Variants in AFF3 observed in about 807,000 individuals in gnomAD.
AFF3 encodes the protein AF4/FMR2 family member 3.
Under a neutral mutation model 129.7 loss-of-function variants are expected in AFF3, and 32 were observed. The observed-to-expected ratio is 0.25, with a 90% CI of 0.19 to 0.33. The LOEUF (loss-of-function observed/expected upper bound fraction) is 0.33, where lower values mean the gene tolerates loss of function less well. AFF3 is among the 10% of genes least tolerant of loss of function. AFF3 has a pLI of 1.00. For synonymous variants in AFF3, 644 were observed against 635.4 expected (o/e 1.01, Z -0.20); for missense variants, 1,373 against 1,592.0 (o/e 0.86, Z 2.34).
At chr2:99,778,807 C>T (rs1027803294) in intron 8 of AFF3, among the ~76,000 whole-genome samples, 3 of 151,296 alleles carry the variant, frequency 2.0e-5, no homozygotes, top group Non-Finnish European at 4.4e-5. Context: ...AGACACAAAA[C>T]TGATTTTTGT....
intron 4 of AFF3, among the ~76,000 whole-genome samples, chr2:100,064,745 A>G (rs1687583368): frequency 6.6e-6 from 1 of 152,258 alleles, no homozygotes; most frequent in Admixed American, 6.5e-5. Flanking sequence ...TGCAGCGATA[A>G]TTTCAATGCC....
chr2:99,880,457 A>G (rs1333263260), intron 7 of AFF3, among the ~76,000 whole-genome samples: 1 of 152,154 alleles, frequency 6.6e-6, no homozygotes, highest in African/African-American at 2.4e-5. Context: ...ATGAATCACA[A>G]GTAAAGTTCT....
intron 4 of AFF3, among the ~76,000 whole-genome samples, chr2:100,014,054 G>C (rs1051828302): frequency 1.3e-5 from 2 of 151,848 alleles, no homozygotes; most frequent in Non-Finnish European, 2.9e-5. Flanking sequence ...GCCAGCCAGG[G>C]GGGGATGACC....
chr2:99,572,066 G>T (rs1676519833), intron 18 of AFF3, among the ~76,000 whole-genome samples: 1 of 151,890 alleles, frequency 6.6e-6, no homozygotes, highest in Non-Finnish European at 1.5e-5. Flanking sequence ...GTTTCCCACA[G>T]TGATGGTATT....
intron 11 of AFF3, among the ~76,000 whole-genome samples, chr2:99,695,938 G>GAAAAACAAAAAAA (rs1676181915): frequency 1.7e-5 from 1 of 57,648 alleles, no homozygotes; most frequent in Non-Finnish European, 2.9e-5. Flanking sequence ...CTGGAAAAAT[G>GAAAAACAAAAAAA]AAAAAAAAAA....
chr2:99,882,999 T>C (rs989721103), intron 7 of AFF3, among the ~76,000 whole-genome samples: 6 of 152,206 alleles, frequency 3.9e-5, no homozygotes, highest in African/African-American at 1.2e-4. Context: ...TGCACAGATA[T>C]TTAACTCTGA....
chr2:100,028,105 T>C (rs1386106789), intron 4 of AFF3, among the ~76,000 whole-genome samples: 2 of 152,126 alleles, frequency 1.3e-5, no homozygotes, highest in East Asian at 1.9e-4. Flanking sequence ...ACCTGCAAAG[T>C]TGAAACAGTT....
chr2:100,023,131 G>A (rs905311840), intron 4 of AFF3, among the ~76,000 whole-genome samples: 1 of 152,180 alleles, frequency 6.6e-6, no homozygotes, highest in Non-Finnish European at 1.5e-5. Context: ...CTCCCCGTAA[G>A]CACTCAATTA....
At chr2:99,942,546 G>GT (rs1675151739) in intron 7 of AFF3, among the ~76,000 whole-genome samples, 1 of 130,048 alleles carries the variant, frequency 7.7e-6, no homozygotes, top group African/African-American at 2.8e-5. Context: ...GGGGGGAGGG[G>GT]CGGGGGGGGG....
intron 8 of AFF3, among the ~76,000 whole-genome samples, chr2:99,752,737 T>C (rs1049383705): frequency 1.3e-5 from 2 of 152,182 alleles, no homozygotes; most frequent in Non-Finnish European, 2.9e-5. Flanking sequence ...CAATTAGAAA[T>C]AAAGTATCAG....
intron 8 of AFF3, among the ~76,000 whole-genome samples, chr2:99,834,097 G>A (rs1397784877): frequency 6.6e-6 from 1 of 152,118 alleles, no homozygotes; most frequent in African/African-American, 2.4e-5. Flanking sequence ...GCATGATCTG[G>A]CACTTCCGAA....
intron 12 of AFF3, among the ~76,000 whole-genome samples, chr2:99,669,632 T>C (rs1382496544): frequency 1.3e-5 from 2 of 152,168 alleles, no homozygotes; most frequent in South Asian, 2.1e-4. Flanking sequence ...GGTTATGTCA[T>C]ACACATATAA....
chr2:100,079,089 G>A (rs1688833470), intron 4 of AFF3, among the ~76,000 whole-genome samples: 1 of 151,814 alleles, frequency 6.6e-6, no homozygotes, highest in African/African-American at 2.4e-5. Flanking sequence ...TGAGACTATA[G>A]GTGCTCACCA....
In AFF3 at chr2:100,033,682, G is replaced by C. The variant is rs181521049; in HGVS notation, c.54-24750C>G. The stretch of plus-strand genomic sequence containing the variant: ...TGATTTGCAAAACGGTCTATGTTTT[G>C]TTAACAAATCAGCATTTCCCACTTG... On this transcript the variant is annotated intron_variant, in intron 4 of 24. Coordinates refer to ENST00000672756, the MANE Select transcript of AFF3 (RefSeq NM_001386135.1). 1.2e-3 allele frequency among the ~76,000 whole-genome samples: 188 copies of C among 152,130 alleles called. 1 individual carries two copies. Among genetic ancestry groups the C allele is most frequent in the African/African-American group, 4.4e-3 (183 of 41,532 alleles).
At chr2:100,087,283 TATAA>T (rs963280706) in intron 4 of AFF3, among the ~76,000 whole-genome samples, 3 of 152,188 alleles carry the variant, frequency 2.0e-5, no homozygotes, top group South Asian at 2.1e-4. Flanking sequence ...TACATACTTA[TATAA>T]ATAATTATAT....
intron 4 of AFF3, among the ~76,000 whole-genome samples, chr2:100,093,474 T>C (rs1690035534): frequency 6.6e-6 from 1 of 152,028 alleles, no homozygotes; most frequent in Non-Finnish European, 1.5e-5. Flanking sequence ...ATGTAACTAA[T>C]TATTTACCTA....
chr2:100,068,074 G>A (rs1372953308), intron 4 of AFF3, among the ~76,000 whole-genome samples: 1 of 152,220 alleles, frequency 6.6e-6, no homozygotes, highest in Non-Finnish European at 1.5e-5. Flanking sequence ...TGTAAAGGCT[G>A]GCCTTGTTGT....
At chr2:100,104,846 C>G (rs1250420838) in intron 3 of AFF3, 10 of 547,414 alleles carry the variant, frequency 1.8e-5, no homozygotes, top group Non-Finnish European at 2.1e-5. Flanking sequence ...CCCGCCCGCC[C>G]GCCTCTTTCT....
Position 99,835,690 on chromosome 2 carries a change from T to A in AFF3, c.921+1787A>T, listed in dbSNP as rs1261476423. 3.3e-5 allele frequency among the ~76,000 whole-genome samples: 5 copies of A among 152,172 alleles called. No homozygotes were observed. The East Asian group carries it at 9.6e-4, about 29-fold the overall frequency. ...CACCTCCCCTCCTGACTGCTGCTCATAGGCTAGGAAGAGTGGAATTTGGAG... is the reference window on the plus strand; with the variant it reads ...CACCTCCCCTCCTGACTGCTGCTCAAAGGCTAGGAAGAGTGGAATTTGGAG... On this transcript the variant is annotated intron_variant, in intron 8 of 24. Transcript: ENST00000672756.
Sources: allele counts gnomAD v4.1 joint callset (sites outside exome capture counted in the v4.1 genomes callset), GRCh38; gene constraint gnomAD v4.1.1; transcripts MANE v1.5; gene names NCBI Gene and HGNC (gene_info 2026-07-23, HGNC 2026-07-21).